Variants in ARB2A observed in about 807,000 individuals in gnomAD.
ARB2A encodes the protein cotranscriptional regulator ARB2A.
the ARB2A span, among the ~76,000 whole-genome samples, chr5:94,086,335 T>C: frequency 2.0e-5 from 3 of 152,296 alleles, no homozygotes; most frequent in African/African-American, 7.2e-5. Context: ...ATTAAGACAG[T>C]GGCCCCATAG....
chr5:94,070,372 A>G, the ARB2A span, among the ~76,000 whole-genome samples: 1 of 152,050 alleles, frequency 6.6e-6, no homozygotes, highest in Non-Finnish European at 1.5e-5. Flanking sequence ...AGTTTTTTTA[A>G]TGGGTAGAAA....
chr5:94,025,424 A>C, the ARB2A span, among the ~76,000 whole-genome samples: 1 of 152,220 alleles, frequency 6.6e-6, no homozygotes, highest in Non-Finnish European at 1.5e-5. Context: ...CTATCATATT[A>C]GTACCCGACC....
At chr5:93,874,901 T>G in the ARB2A span, among the ~76,000 whole-genome samples, 1 of 152,158 alleles carries the variant, frequency 6.6e-6, no homozygotes, top group Non-Finnish European at 1.5e-5. Flanking sequence ...AGTTCTCAAT[T>G]GAGTCTCAAC....
chr5:94,101,323 G>A, the ARB2A span, among the ~76,000 whole-genome samples: 1 of 152,152 alleles, frequency 6.6e-6, no homozygotes. Flanking sequence ...CGAAGTTGTG[G>A]AGACCCTGAT....
chr5:93,745,892 A>C, the ARB2A span, among the ~76,000 whole-genome samples: 1 of 152,094 alleles, frequency 6.6e-6, no homozygotes, highest in Non-Finnish European at 1.5e-5. Context: ...CTCAAGAATC[A>C]TATTAGTTAA....
chr5:93,948,061 A>C, the ARB2A span, among the ~76,000 whole-genome samples: 1,442 of 152,224 alleles, frequency 9.5e-3, 23 homozygotes, highest in African/African-American at 0.033. Flanking sequence ...TGGTATTTCT[A>C]GTTCTAGATC....
chr5:93,851,440 A>G, the ARB2A span, among the ~76,000 whole-genome samples: 1 of 152,072 alleles, frequency 6.6e-6, no homozygotes, highest in Non-Finnish European at 1.5e-5. Context: ...GTAACATTGC[A>G]TGTATTTTTA....
the ARB2A span, among the ~76,000 whole-genome samples, chr5:93,624,645 A>G: frequency 6.6e-6 from 1 of 152,212 alleles, no homozygotes; most frequent in Admixed American, 6.5e-5. Flanking sequence ...AATGGAGATG[A>G]TAATGGCCTC....
At chr5:93,843,961 A>C in the ARB2A span, among the ~76,000 whole-genome samples, 4 of 152,136 alleles carry the variant, frequency 2.6e-5, no homozygotes, top group Admixed American at 2.6e-4. Context: ...ATAATGAATG[A>C]AATATATATG....
At chr5:93,985,687 G>A in the ARB2A span, among the ~76,000 whole-genome samples, 2 of 152,218 alleles carry the variant, frequency 1.3e-5, no homozygotes, top group East Asian at 1.9e-4. Context: ...GGCCTCCCGA[G>A]GTGCCGGGAT....
At chr5:93,893,197 T>C in the ARB2A span, among the ~76,000 whole-genome samples, 1 of 152,042 alleles carries the variant, frequency 6.6e-6, no homozygotes, top group African/African-American at 2.4e-5. Context: ...TAACTGCCAC[T>C]GCCGAGATCA....
the ARB2A span, among the ~76,000 whole-genome samples, chr5:93,720,050 C>T: frequency 9.2e-5 from 14 of 152,298 alleles, no homozygotes; most frequent in African/African-American, 3.4e-4. Context: ...TCAGGATACC[C>T]GTTTATGAAT....
chr5:93,873,887 A>C, the ARB2A span, among the ~76,000 whole-genome samples: 1 of 152,218 alleles, frequency 6.6e-6, no homozygotes, highest in Non-Finnish European at 1.5e-5. Flanking sequence ...TGCTCAGCTC[A>C]GCTCTTCAGG....
chr5:94,028,737 CT>C, the ARB2A span, among the ~76,000 whole-genome samples: 15 of 152,266 alleles, frequency 9.9e-5, no homozygotes, highest in East Asian at 2.9e-3. Flanking sequence ...AAAAATGCTT[CT>C]TTCTATTTCT....
chr5:93,780,526 T>TTCTCTCTC, the ARB2A span, among the ~76,000 whole-genome samples: 1 of 151,996 alleles, frequency 6.6e-6, no homozygotes, highest in East Asian at 1.9e-4. Flanking sequence ...CTTTCTCTCT[T>TTCTCTCTC]TCTCCCATCT....
chr5:93,972,235 C>A, the ARB2A span, among the ~76,000 whole-genome samples: 2 of 152,136 alleles, frequency 1.3e-5, no homozygotes, highest in African/African-American at 2.4e-5. Flanking sequence ...GTGCTACCTA[C>A]TGACTGTAGC....
At chr5:93,809,267 G>A in the ARB2A span, among the ~76,000 whole-genome samples, 2 of 151,928 alleles carry the variant, frequency 1.3e-5, no homozygotes, top group Non-Finnish European at 2.9e-5. Flanking sequence ...AACTATGCAC[G>A]ATATATCGGT....
At chr5:93,953,618 C>G in the ARB2A span, among the ~76,000 whole-genome samples, 1 of 152,110 alleles carries the variant, frequency 6.6e-6, no homozygotes, top group Non-Finnish European at 1.5e-5. Context: ...GGTACTACAT[C>G]TCACCTACGG....
chr5:93,694,360 G>A, the ARB2A span, among the ~76,000 whole-genome samples: 1 of 152,136 alleles, frequency 6.6e-6, no homozygotes, highest in African/African-American at 2.4e-5. Flanking sequence ...CAAGATCAAT[G>A]TGCAAAAATC....
Sources: allele counts gnomAD v4.1 joint callset (sites outside exome capture counted in the v4.1 genomes callset), GRCh38; gene constraint gnomAD v4.1.1; transcripts MANE v1.5; gene names NCBI Gene and HGNC (gene_info 2026-07-23, HGNC 2026-07-21).